FAM184A: variants seen among roughly 807,000 people sequenced by gnomAD.
FAM184A encodes protein FAM184A.
FAM184A carries 99 observed loss-of-function variants against 143.8 expected under a neutral mutation model. The observed-to-expected ratio is 0.69, with a 90% confidence interval of 0.58 to 0.81. The LOEUF (loss-of-function observed/expected upper bound fraction) is 0.81. Among genes scored for constraint, FAM184A ranks in the 40% least tolerant of loss-of-function variants. FAM184A has a pLI of 0.00. For synonymous variants in FAM184A, 427 were observed against 446.4 expected, an observed-to-expected ratio of 0.96 and a Z score of 0.55; for missense variants, 1,217 against 1,310.5, an observed-to-expected ratio of 0.93 and a Z score of 1.10.
At chr6:118,993,300 G>A (rs776276868) in intron 9 of FAM184A, among the ~76,000 whole-genome samples, 8 of 152,182 alleles carry the variant, frequency 5.3e-5, no homozygotes, top group African/African-American at 1.2e-4. Context: ...ATAATGAGAC[G>A]TTGAGATAAG....
intron 1 of FAM184A, among the ~76,000 whole-genome samples, chr6:119,096,965 C>G (rs1005513802): frequency 6.6e-6 from 1 of 152,112 alleles, no homozygotes; most frequent in African/African-American, 2.4e-5. Context: ...CCTCTCTTTT[C>G]TCATTTGAAG....
intron 9 of FAM184A, among the ~76,000 whole-genome samples, chr6:118,982,718 G>A (rs757943793): frequency 2.3e-4 from 35 of 152,190 alleles, no homozygotes; most frequent in Non-Finnish European, 4.6e-4. Context: ...AAAATTTGCT[G>A]AATCGACAGA....
At chr6:119,139,304 G>T (rs79652186) in intron 1 of FAM184A, among the ~76,000 whole-genome samples, 2,166 of 152,262 alleles carry the variant, frequency 0.014, 58 homozygotes, top group African/African-American at 0.05. Flanking sequence ...TTATTAGAAA[G>T]TCAAGTGTCA....
intron 2 of FAM184A, 126 bp from the exon 3 acceptor site, chr6:119,023,206 A>T: frequency 3.3e-6 from 3 of 916,782 alleles, no homozygotes; most frequent in Non-Finnish European, 4.8e-6. Context: ...CAATTTTTAA[A>T]TCTGTAAGTA....
intron 1 of FAM184A, among the ~76,000 whole-genome samples, chr6:119,059,748 C>T (rs1038583571): frequency 1.3e-5 from 2 of 152,170 alleles, no homozygotes. Flanking sequence ...TTATTCAGCA[C>T]TTATTATAAA....
chr6:119,041,903 T>A (rs974071189), intron 1 of FAM184A, among the ~76,000 whole-genome samples: 1 of 152,090 alleles, frequency 6.6e-6, no homozygotes, highest in Non-Finnish European at 1.5e-5. Context: ...GGTATAACAC[T>A]CACCGCATGG....
At chr6:119,054,823 G>C (rs1366090387) in intron 1 of FAM184A, among the ~76,000 whole-genome samples, 1 of 151,962 alleles carries the variant, frequency 6.6e-6, no homozygotes, top group Non-Finnish European at 1.5e-5. Flanking sequence ...CTATACTCAG[G>C]AATATTCACG....
intron 4 of FAM184A, among the ~76,000 whole-genome samples, chr6:119,018,457 CAGAA>C (rs1032694995): frequency 3.9e-5 from 6 of 152,072 alleles, no homozygotes; most frequent in African/African-American, 1.4e-4. Context: ...TTTAGGGAGA[CAGAA>C]AGTCTGTGCA....
intron 9 of FAM184A, among the ~76,000 whole-genome samples, chr6:118,994,735 A>G (rs1784492565): frequency 8.7e-6 from 1 of 114,746 alleles, no homozygotes; most frequent in Admixed American, 8.1e-5. Flanking sequence ...ATAAATAAAT[A>G]AAAAGCCAGA....
chr6:119,086,722 G>A (rs750337691), intron 1 of FAM184A, among the ~76,000 whole-genome samples: 1 of 152,194 alleles, frequency 6.6e-6, no homozygotes, highest in Non-Finnish European at 1.5e-5. Context: ...ACAATCACGA[G>A]CCATTGGAGG....
intron 1 of FAM184A, among the ~76,000 whole-genome samples, chr6:119,103,819 T>C (rs13212758): frequency 0.54 from 81,456 of 150,596 alleles, 22,455 homozygotes; most frequent in East Asian, 0.73. Flanking sequence ...CCCAGCTACT[T>C]GGGAGGCTGA....
chr6:119,124,667 T>C (rs1369950259), intron 1 of FAM184A, among the ~76,000 whole-genome samples: 1 of 152,146 alleles, frequency 6.6e-6, no homozygotes, highest in South Asian at 2.1e-4. Context: ...GAGGTCTTTT[T>C]TTCCATCTGG....
In FAM184A at chr6:118,984,157, AAAT is replaced by A. The variant is rs1204119896; in HGVS notation, c.2089-3810_2089-3808del. Among the ~76,000 whole-genome samples, 994 of 120,420 alleles carry A rather than the reference AAAT, an allele frequency of 8.3e-3. 10 individuals carry two copies. The highest frequency in any genetic ancestry group is 0.027 in the Middle Eastern group (7 of 258). The allele number at this position is 120,420 out of a possible 152,430, so 79.0% of individuals were successfully genotyped here. On this transcript the variant is annotated intron_variant, in intron 9 of 17. Coordinates refer to ENST00000338891, the MANE Select transcript of FAM184A (RefSeq NM_024581.6). The stretch of plus-strand genomic sequence containing the variant: ...GATAACGAAACTCCATTTAAAAAAA[AAAT>A]ATATATATATATATATATTTATATA...
intron 1 of FAM184A, among the ~76,000 whole-genome samples, chr6:119,091,494 T>C (rs1788366974): frequency 6.6e-6 from 1 of 152,206 alleles, no homozygotes; most frequent in South Asian, 2.1e-4. Flanking sequence ...TACTGTGGTA[T>C]ATGGTAGGAA....
At chr6:119,033,714 C>T (rs1785981066) in intron 1 of FAM184A, among the ~76,000 whole-genome samples, 1 of 146,208 alleles carries the variant, frequency 6.8e-6, no homozygotes, top group African/African-American at 2.5e-5. Flanking sequence ...AGAATTAGGC[C>T]ACTGCGGTGG....
chr6:119,023,130 T>G (rs1249522698), intron 2 of FAM184A, 50 bp from the exon 3 acceptor site: 1 of 1,582,980 alleles, frequency 6.3e-7, no homozygotes, highest in East Asian at 2.2e-5. Flanking sequence ...AATACTAAGC[T>G]AAATAATTCA....
Position 119,078,282 on chromosome 6 carries a change from C to G in FAM184A, c.18G>C (p.Met6Ile). 6.6e-7 allele frequency: 1 copy of G among 1,507,740 alleles called. No homozygotes were observed. The highest frequency in any genetic ancestry group is 8.8e-7 in the Non-Finnish European group (1 of 1,132,000). The allele number at this position is 1,507,740 out of a possible 1,614,324, so 93.4% of individuals were successfully genotyped here. A position where few individuals can be genotyped will look rare whatever the true frequency, so the allele number is the denominator to read the frequency against. The change falls in exon 1 of 18, where the codon ATG becomes ATC. Residue 6 changes from methionine to isoleucine, a missense_variant. By Grantham distance (10) the Met-to-Ile change is conservative. Coordinates refer to ENST00000338891, the MANE Select transcript of FAM184A (RefSeq NM_024581.6). This position sits in a 1 kb window ranked among gnomAD's most constrained non-coding sequence, Gnocchi z 5.5. MATPG[M>I]SWQQHYYGGS... ...CGCCGTAATAGTGCTGCTGCCAGCTCATGCCCGGGGTCGCCATCTTCCCAA... is the reference window on the plus strand; with the variant it reads ...CGCCGTAATAGTGCTGCTGCCAGCTGATGCCCGGGGTCGCCATCTTCCCAA...
chr6:119,003,616 G>T lies in FAM184A; in HGVS notation c.1822C>A (p.Leu608Ile). 1 of 1,608,084 alleles carries T rather than the reference G, an allele frequency of 6.2e-7. No individual in the cohort carries two copies. The highest frequency in any genetic ancestry group is 1.1e-5 in the South Asian group (1 of 89,610). The stretch of plus-strand genomic sequence containing the variant: ...TCATGCTGTTGCCTTTCTTGTTCTA[G>T]CTCACCCTGAAGAATAAAAACTTTT... ...KDALLNVEGELEQERQQHEET... is the reference protein window; with the variant it reads ...KDALLNVEGEIEQERQQHEET... Residue 608 changes from leucine to isoleucine, a missense_variant, in exon 8 of 18, where the codon CTA (leucine) becomes ATA (isoleucine). Coordinates refer to ENST00000338891, the MANE Select transcript of FAM184A (RefSeq NM_024581.6).
At chr6:118,963,705 C>T in intron 16 of FAM184A, 1 of 151,890 alleles carries the variant, frequency 6.6e-6, no homozygotes, top group East Asian at 1.9e-4. Flanking sequence ...GGAACTATCA[C>T]TTTTATTTAT....
Sources: allele counts gnomAD v4.1 joint callset (sites outside exome capture counted in the v4.1 genomes callset), GRCh38; gene constraint gnomAD v4.1.1; non-coding constraint Gnocchi (gnomAD v3.1); transcripts MANE v1.5; gene names NCBI Gene and HGNC (gene_info 2026-07-23, HGNC 2026-07-21).